SKAP1: variants seen among roughly 807,000 people sequenced by gnomAD.
SKAP1 encodes src kinase-associated phosphoprotein 1.
In SKAP1, 44 loss-of-function variants were observed where a neutral mutation model predicts 58.5. The ratio of observed to expected loss-of-function variants is 0.75; its 90% confidence interval spans 0.59 to 0.97. The LOEUF is 0.97. Among genes scored for constraint, SKAP1 ranks in the 50% least tolerant of loss-of-function variants. The pLI, the probability that SKAP1 is intolerant of heterozygous loss-of-function variation, is 0.00. For missense variants in SKAP1, 390 were observed against 435.2 expected, an observed-to-expected ratio of 0.90 and a Z score of 0.92; for synonymous variants, 127 against 149.7, an observed-to-expected ratio of 0.85 and a Z score of 1.11.
At chr17:48,244,793 T>C (rs1335768301) in intron 4 of SKAP1, among the ~76,000 whole-genome samples, 3 of 152,176 alleles carry the variant, frequency 2.0e-5, no homozygotes, top group African/African-American at 7.2e-5. Context: ...ATGAGTCAAA[T>C]AATTAGTTAA....
intron 1 of SKAP1, among the ~76,000 whole-genome samples, chr17:48,413,080 G>A (rs2067685483): frequency 6.7e-6 from 1 of 149,232 alleles, no homozygotes; most frequent in South Asian, 2.1e-4. Context: ...CCATAAAGAA[G>A]TAAAAAGCAA....
chr17:48,439,005 T>G, the SKAP1 span, among the ~76,000 whole-genome samples: 1 of 152,208 alleles, frequency 6.6e-6, no homozygotes, highest in African/African-American at 2.4e-5. Context: ...GTCTTCATAG[T>G]TTGAAGGATT....
At chr17:48,325,142 G>C (rs2066418099) in intron 4 of SKAP1, among the ~76,000 whole-genome samples, 1 of 151,546 alleles carries the variant, frequency 6.6e-6, no homozygotes, top group Non-Finnish European at 1.5e-5. Context: ...CCAGCTACTC[G>C]GGAGGCTGAG....
intron 1 of SKAP1, among the ~76,000 whole-genome samples, chr17:48,411,341 G>A (rs961258589): frequency 6.6e-6 from 1 of 152,028 alleles, no homozygotes; most frequent in Admixed American, 6.6e-5. Context: ...AGAGGTTGCA[G>A]TGAGCCGACA....
intron 2 of SKAP1, among the ~76,000 whole-genome samples, chr17:48,374,358 T>G (rs1156399976): frequency 6.6e-6 from 1 of 152,232 alleles, no homozygotes; most frequent in East Asian, 1.9e-4. Context: ...CTTTTTGTAC[T>G]AAAACAGCAA....
At chr17:48,384,076 C>A (rs760494527) in intron 2 of SKAP1, among the ~76,000 whole-genome samples, 2 of 152,064 alleles carry the variant, frequency 1.3e-5, no homozygotes, top group Non-Finnish European at 2.9e-5. Context: ...AATGGAGGAG[C>A]AGAATAAACT....
intron 4 of SKAP1, among the ~76,000 whole-genome samples, chr17:48,328,290 CA>C (rs1385885418): frequency 6.6e-6 from 1 of 152,122 alleles, no homozygotes; most frequent in African/African-American, 2.4e-5. Context: ...TACTTATTAT[CA>C]GGGGCTTAAA....
intron 4 of SKAP1, among the ~76,000 whole-genome samples, chr17:48,210,685 C>T (rs189570484): frequency 2.0e-5 from 3 of 152,302 alleles, no homozygotes; most frequent in Non-Finnish European, 4.4e-5. Context: ...CTACATTAAT[C>T]AACCAATAAA....
At chr17:48,352,669 G>A (rs2066817035) in intron 3 of SKAP1, among the ~76,000 whole-genome samples, 1 of 151,944 alleles carries the variant, frequency 6.6e-6, no homozygotes, top group Non-Finnish European at 1.5e-5. Context: ...ACAAGCTCTG[G>A]GTCAAGACTT....
At chr17:48,218,214 G>GT (rs779493373) in intron 4 of SKAP1, among the ~76,000 whole-genome samples, 44 of 152,220 alleles carry the variant, frequency 2.9e-4, no homozygotes, top group Non-Finnish European at 5.3e-4. Flanking sequence ...GGCTGAGACA[G>GT]TAAGAATGTT....
At chr17:48,146,586 C>T (rs2063835566) in intron 11 of SKAP1, among the ~76,000 whole-genome samples, 1 of 151,684 alleles carries the variant, frequency 6.6e-6, no homozygotes, top group South Asian at 2.1e-4. Context: ...GAGGCTGTTC[C>T]TCCTCAAAGG....
At chr17:48,271,960 G>T (rs1376839369) in intron 4 of SKAP1, among the ~76,000 whole-genome samples, 1 of 151,938 alleles carries the variant, frequency 6.6e-6, no homozygotes, top group African/African-American at 2.4e-5. Flanking sequence ...ACATGGAAGG[G>T]TATACTTCTT....
intron 11 of SKAP1, among the ~76,000 whole-genome samples, chr17:48,158,016 A>G (rs753268880): frequency 6.6e-6 from 1 of 151,304 alleles, no homozygotes; most frequent in Non-Finnish European, 1.5e-5. Flanking sequence ...TGACTCTAAT[A>G]AAAATACAAA....
At chr17:48,293,170 C>T (rs1040014589) in intron 4 of SKAP1, among the ~76,000 whole-genome samples, 13 of 151,848 alleles carry the variant, frequency 8.6e-5, no homozygotes, top group Admixed American at 7.9e-4. Flanking sequence ...ATATGTTTTC[C>T]AAGAGCTGCA....
chr17:48,366,573 A>C (rs1257540169), intron 2 of SKAP1, among the ~76,000 whole-genome samples: 2 of 152,146 alleles, frequency 1.3e-5, no homozygotes, highest in African/African-American at 4.8e-5. Flanking sequence ...ACTGGCTGAA[A>C]CTTAAATACA....
At chr17:48,323,672 G>A (rs1338046152) in intron 4 of SKAP1, among the ~76,000 whole-genome samples, 1 of 152,086 alleles carries the variant, frequency 6.6e-6, no homozygotes, top group African/African-American at 2.4e-5. Flanking sequence ...CTAGAGGCTG[G>A]AAGAGTGAGA....
intron 2 of SKAP1, among the ~76,000 whole-genome samples, chr17:48,371,281 A>G (rs948168807): frequency 6.6e-6 from 1 of 152,152 alleles, no homozygotes; most frequent in Non-Finnish European, 1.5e-5. Flanking sequence ...TCCAAAATAA[A>G]AGTTGAAATT....
chr17:48,362,647 T>A (rs1403570105), intron 3 of SKAP1, among the ~76,000 whole-genome samples: 4 of 152,228 alleles, frequency 2.6e-5, no homozygotes, highest in Non-Finnish European at 5.9e-5. Context: ...GTGCTCCAAC[T>A]TTAACTTATG....
chr17:48,252,470 T>C (rs2065375173), intron 4 of SKAP1, among the ~76,000 whole-genome samples: 1 of 152,236 alleles, frequency 6.6e-6, no homozygotes, highest in Admixed American at 6.5e-5. Context: ...ATGAACTTGT[T>C]ACTTTGCCTG....
Sources: gnomAD v4.1 joint callset for allele counts (sites outside exome capture counted in the v4.1 genomes callset) on GRCh38, gnomAD v4.1.1 for gene constraint, MANE v1.5 for transcripts, NCBI Gene and HGNC (gene_info 2026-07-23, HGNC 2026-07-21) for gene names.